P2RX5: variants seen among roughly 807,000 people sequenced by gnomAD.
P2RX5 encodes the protein purinergic receptor P2X 5, also known as P2X purinoceptor 5.
A neutral mutation model predicts 54.1 loss-of-function variants in P2RX5; 46 were observed. That is an observed-to-expected ratio of 0.85 (90% CI 0.67 to 1.09). The LOEUF (loss-of-function observed/expected upper bound fraction) is 1.09, where lower values mean the gene tolerates loss of function less well. Among genes scored for constraint, P2RX5 ranks in the 50% least tolerant of loss-of-function variants. The pLI, the probability that P2RX5 is intolerant of heterozygous loss-of-function variation, is 0.00. For missense variants in P2RX5, 566 were observed against 549.8 expected, an observed-to-expected ratio of 1.03 and a Z score of -0.29; for synonymous variants, 226 against 226.4, an observed-to-expected ratio of 1.00 and a Z score of 0.02.
In P2RX5 at chr17:3,695,857, C is replaced by T. The variant is rs1346032563; in HGVS notation, c.137+12G>A. 1.2e-6 allele frequency: 2 copies of T among 1,613,322 alleles called. No individual in the cohort carries two copies. Among genetic ancestry groups the T allele is most frequent in the Non-Finnish European group, 1.7e-6 (2 of 1,179,512 alleles). ...CCTCCCCCGCCTTCCCAAAAGTCCG[C>T]GGAGAACTTACACGACCAGGTACGC... is the stretch of plus-strand genomic sequence containing the variant. On this transcript the variant is annotated intron_variant, in intron 1 of 11. Coordinates refer to ENST00000225328, the MANE Select transcript of P2RX5 (RefSeq NM_002561.4).
chr17:3,688,845 A>G (rs1373654418), intron 7 of P2RX5, 86 bp from the exon 8 acceptor site: 3 of 1,476,610 alleles, frequency 2.0e-6, no homozygotes, highest in Admixed American at 1.7e-5. Flanking sequence ...GGCACTGGAC[A>G]ATAGGAGGAG....
chr17:3,696,423 G>A (rs183855605), upstream of P2RX5: 6 of 156,704 alleles, frequency 3.8e-5, no homozygotes, highest in Non-Finnish European at 8.4e-5. Context: ...AGTGAAAGGG[G>A]GAAGGGCTCC....
the P2RX5 span, chr17:3,723,453 G>T: frequency 1.7e-6 from 2 of 1,181,292 alleles, no homozygotes; most frequent in Non-Finnish European, 2.5e-6. Context: ...TTAACACTTC[G>T]GACACAGAGC....
At position 3,691,035 on chromosome 17, in the gene P2RX5, A is replaced by T; in HGVS notation, c.289-8T>A. 6.2e-7 allele frequency: 1 copy of T among 1,608,674 alleles called. No homozygotes were observed. Among genetic ancestry groups the T allele is most frequent in the Admixed American group, 1.7e-5 (1 of 59,728 alleles). On this transcript the variant is annotated splice_region_variant and splice_polypyrimidine_tract_variant and intron_variant, in intron 2 of 11. Coordinates refer to ENST00000225328, the MANE Select transcript of P2RX5 (RefSeq NM_002561.4). ...AAAAAAGACGTTCTCTCCCTAAGGA[A>T]CCAGAGAGGCACTGAGGAACCTCCT...
intron 10 of P2RX5, among the ~76,000 whole-genome samples, chr17:3,680,155 T>C (rs368497569): frequency 0.53 from 20,776 of 39,096 alleles, 5,074 homozygotes; most frequent in African/African-American, 0.68. Flanking sequence ...GAGTCCTCCA[T>C]CCGGTGTCCT....
chr17:3,707,494 A>G, the P2RX5 span, among the ~76,000 whole-genome samples: 2 of 152,208 alleles, frequency 1.3e-5, no homozygotes, highest in African/African-American at 4.8e-5. Flanking sequence ...AAAGGTTTGC[A>G]GCACCAAAGT....
At chr17:3,690,383 G>T (rs748093894) in intron 5 of P2RX5, 44 bp downstream of exon 5, 1 of 1,471,844 alleles carries the variant, frequency 6.8e-7, no homozygotes, top group Non-Finnish European at 9.4e-7. Flanking sequence ...CCCACCGCAC[G>T]GGGCTGGGAA....
the P2RX5 span, chr17:3,714,850 A>G: frequency 6.3e-7 from 1 of 1,591,898 alleles, no homozygotes; most frequent in African/African-American, 1.3e-5. Flanking sequence ...GCAGGTCCTA[A>G]TTCTCTTCTT....
intron 11 of P2RX5, chr17:3,677,701 C>A: frequency 1.0e-6 from 1 of 985,336 alleles, no homozygotes; most frequent in Non-Finnish European, 1.2e-6. Flanking sequence ...GTCAGCATCT[C>A]ATTTAAGCAC....
the P2RX5 span, chr17:3,720,725 G>A: frequency 5.1e-6 from 1 of 197,746 alleles, no homozygotes; most frequent in African/African-American, 2.4e-5. Flanking sequence ...TGGAATTATG[G>A]GCATGTGCCA....
chr17:3,675,942 G>T, intron 11 of P2RX5: 1 of 985,388 alleles, frequency 1.0e-6, no homozygotes. Context: ...TTTGCTCTAG[G>T]AGGGTTCCTG....
rs535439398 is a variant in P2RX5, at chr17:3,692,751, AG to A, written c.138-958del. 1.2e-3 allele frequency among the ~76,000 whole-genome samples: 183 copies of A among 152,246 alleles called. 3 individuals carry two copies. The Middle Eastern group carries it at 0.024, about 20-fold the overall frequency. On this transcript the variant is annotated intron_variant, in intron 1 of 11. Coordinates refer to ENST00000225328, the MANE Select transcript of P2RX5 (RefSeq NM_002561.4). The stretch of plus-strand genomic sequence containing the variant: ...CAGCTACTCGGGAGGCTGAGGTGGG[AG>A]GATCCCTCGAGCCTGGGAGGTCGAG...
chr17:3,681,678 C>T lies in P2RX5; in HGVS notation c.1064+218G>A, dbSNP rs2654681. Among the ~76,000 whole-genome samples, 222 of 152,322 alleles carry T rather than the reference C, an allele frequency of 1.5e-3. 4 individuals carry two copies. The Middle Eastern group carries it at 0.027, about 19-fold the overall frequency. On this transcript the variant is annotated intron_variant, in intron 10 of 11. Coordinates refer to ENST00000225328, the MANE Select transcript of P2RX5 (RefSeq NM_002561.4). ...AGAATCAGGCGGAGCCTGTGAACTC[C>T]GTCTCCCGCCCTGTGGCCCACAGCG...
intron 1 of P2RX5, 40 bp downstream of exon 1, chr17:3,695,829 G>GCCCCACCCCC: frequency 2.5e-6 from 4 of 1,586,526 alleles, no homozygotes; most frequent in Non-Finnish European, 3.5e-6. Flanking sequence ...CACCCGCCCT[G>GCCCCACCCCC]CCCCTCCCCC....
At position 3,681,122 on chromosome 17, in the gene P2RX5, G is replaced by T. The variant is rs1303785371; in HGVS notation, c.1064+774C>A. 2.0e-5 allele frequency among the ~76,000 whole-genome samples: 3 copies of T among 152,052 alleles called. No individual in the cohort carries two copies. The East Asian group carries it at 5.8e-4, about 29-fold the overall frequency. ...CTGCTTCCTTCAGCAGCACAGTCAG[G>T]ACTGTGGTTGGGGTTCAGCCTGTGG... On this transcript the variant is annotated intron_variant, in intron 10 of 11. Transcript: ENST00000225328.
At chr17:3,690,267 T>C in intron 5 of P2RX5, 117 bp from the exon 6 acceptor site, 1 of 1,193,098 alleles carries the variant, frequency 8.4e-7, no homozygotes, top group Non-Finnish European at 1.2e-6. Flanking sequence ...CCCAGGACAG[T>C]TAATTTGCTC....
At chr17:3,715,789 G>A in the P2RX5 span, among the ~76,000 whole-genome samples, 2 of 152,088 alleles carry the variant, frequency 1.3e-5, no homozygotes, top group Non-Finnish European at 2.9e-5. Context: ...CTGAGCCTAG[G>A]AGTACGAGGC....
intron 2 of P2RX5, 133 bp from the exon 3 acceptor site, chr17:3,691,160 C>T (rs1422609391): frequency 2.9e-6 from 2 of 696,124 alleles, no homozygotes; most frequent in South Asian, 3.2e-5. Context: ...ACTTGGTATA[C>T]TCTGCCCATC....
chr17:3,679,441 G>A lies in P2RX5; in HGVS notation c.1259+149C>T, dbSNP rs572368201. The stretch of plus-strand genomic sequence containing the variant: ...AAAGCACCAGCCCCTTCCCACAGAG[G>A]CTCTCCCAGTTCCTAGATGTCCTGC... On this transcript the variant is annotated intron_variant, in intron 11 of 11. Transcript: ENST00000225328. 84 of 708,968 alleles carry A rather than the reference G, an allele frequency of 1.2e-4. 3 individuals are homozygous for A. The Admixed American group carries it at 1.5e-3, about 13-fold the overall frequency. The allele number at this position is 708,968 out of a possible 1,614,324, so 43.9% of individuals were successfully genotyped here.
Sources: allele counts gnomAD v4.1 joint callset (sites outside exome capture counted in the v4.1 genomes callset), GRCh38; gene constraint gnomAD v4.1.1; transcripts MANE v1.5; gene names NCBI Gene and HGNC (gene_info 2026-07-23, HGNC 2026-07-21).